RIMS2: variants seen among roughly 807,000 people sequenced by gnomAD.
RIMS2 encodes the protein regulating synaptic membrane exocytosis 2, also known as regulating synaptic membrane exocytosis protein 2.
In RIMS2, 59 loss-of-function variants were observed where a neutral mutation model predicts 174.4. That is an observed-to-expected ratio of 0.34 (90% CI 0.27 to 0.42). The LOEUF (loss-of-function observed/expected upper bound fraction) is 0.42. Among genes scored for constraint, RIMS2 ranks in the 10% least tolerant of loss-of-function variants. The pLI is 1.00. For synonymous variants in RIMS2, 606 were observed against 572.5 expected (o/e 1.06, Z -0.84); for missense variants, 1,620 against 1,666.3 (o/e 0.97, Z 0.48).
intron 3 of RIMS2, chr8:103,819,749 T>A (rs1209522037): frequency 3.1e-5 from 21 of 686,850 alleles, no homozygotes; most frequent in Non-Finnish European, 4.1e-5. Context: ...CTGTTTACTG[T>A]AAATATAAAA....
chr8:103,623,454 A>G (rs1464878276), intron 1 of RIMS2, among the ~76,000 whole-genome samples: 1 of 150,070 alleles, frequency 6.7e-6, no homozygotes, highest in African/African-American at 2.5e-5. Flanking sequence ...GTACAGACAT[A>G]AAAATTAAAC....
intron 19 of RIMS2, among the ~76,000 whole-genome samples, chr8:104,238,755 G>C (rs1043108621): frequency 6.6e-6 from 1 of 152,094 alleles, no homozygotes; most frequent in Non-Finnish European, 1.5e-5. Context: ...TAAAATCTGT[G>C]AGTCAATAAT....
chr8:104,163,370 C>T (rs1586254604), intron 19 of RIMS2, among the ~76,000 whole-genome samples: 2 of 152,218 alleles, frequency 1.3e-5, no homozygotes, highest in South Asian at 4.1e-4. Context: ...CTATTGTCCT[C>T]CTCATATGGT....
At chr8:104,021,067 G>T (rs778986232) in intron 19 of RIMS2, among the ~76,000 whole-genome samples, 1 of 151,656 alleles carries the variant, frequency 6.6e-6, no homozygotes, top group Non-Finnish European at 1.5e-5. Flanking sequence ...ATAAAATTTG[G>T]CCCATTACTG....
chr8:103,774,756 G>A (rs2098294405), intron 3 of RIMS2, among the ~76,000 whole-genome samples: 1 of 152,110 alleles, frequency 6.6e-6, no homozygotes, highest in Non-Finnish European at 1.5e-5. Flanking sequence ...TCATAACAAT[G>A]TTTTCCTTGA....
intron 1 of RIMS2, among the ~76,000 whole-genome samples, chr8:103,538,049 TAGAA>T (rs1840663164): frequency 6.6e-6 from 1 of 152,190 alleles, no homozygotes; most frequent in Non-Finnish European, 1.5e-5. Context: ...GGATAAACAT[TAGAA>T]AGAATTTCCT....
intron 1 of RIMS2, among the ~76,000 whole-genome samples, chr8:103,513,328 T>C (rs1311414522): frequency 2.0e-5 from 3 of 152,216 alleles, no homozygotes; most frequent in African/African-American, 7.2e-5. Flanking sequence ...CTGTGCTATC[T>C]TGAAGAAGTT....
chr8:103,579,233 TCTCTCTCC>T (rs1225918539), intron 1 of RIMS2, among the ~76,000 whole-genome samples: 1 of 149,518 alleles, frequency 6.7e-6, no homozygotes, highest in Non-Finnish European at 1.5e-5. Flanking sequence ...ACTCTCTCTC[TCTCTCTCC>T]CTCTCTCTCT....
At chr8:103,785,609 A>T (rs2098436277) in intron 3 of RIMS2, among the ~76,000 whole-genome samples, 1 of 152,162 alleles carries the variant, frequency 6.6e-6, no homozygotes, top group African/African-American at 2.4e-5. Flanking sequence ...CTTGCATCCC[A>T]GGGATGAAGC....
intron 19 of RIMS2, among the ~76,000 whole-genome samples, chr8:104,061,367 T>C (rs1052090384): frequency 6.6e-6 from 1 of 152,152 alleles, no homozygotes; most frequent in Non-Finnish European, 1.5e-5. Flanking sequence ...GTTTAAAGTC[T>C]GTTTTATAGG....
chr8:103,636,786 G>GCCC (rs1353500438), intron 1 of RIMS2, among the ~76,000 whole-genome samples: 1 of 27,158 alleles, frequency 3.7e-5, no homozygotes, highest in African/African-American at 1.6e-4. Context: ...ACCCACCCCC[G>GCCC]CACCCCCCCC....
chr8:103,558,350 G>A (rs947218677), intron 1 of RIMS2, among the ~76,000 whole-genome samples: 2 of 151,964 alleles, frequency 1.3e-5, no homozygotes, highest in Non-Finnish European at 2.9e-5. Context: ...TCAGCCTCCC[G>A]GTAGCTGGGA....
chr8:103,611,664 T>C (rs1461335051), intron 1 of RIMS2, among the ~76,000 whole-genome samples: 1 of 150,478 alleles, frequency 6.6e-6, no homozygotes, highest in African/African-American at 2.4e-5. Flanking sequence ...ACATTGTATG[T>C]TATTTGTTAC....
chr8:103,751,779 C>T (rs1031442242), intron 2 of RIMS2, among the ~76,000 whole-genome samples: 1 of 150,900 alleles, frequency 6.6e-6, no homozygotes, highest in Non-Finnish European at 1.5e-5. Flanking sequence ...CCTTCGCCCA[C>T]TTTTTGATGG....
rs184031936 is a variant in RIMS2 at position 103,793,365 on chromosome 8, C to T, written c.698+26828C>T. On this transcript the variant is annotated intron_variant, in intron 3 of 23. Coordinates refer to ENST00000504942, the Ensembl canonical transcript of RIMS2. ...TCTCAATAGATGCAGAAAAGGCCTT[C>T]GAGAAAATTCAACAGCCCTTCATGC... Among the ~76,000 whole-genome samples, 56 of 152,006 alleles carry T rather than the reference C, an allele frequency of 3.7e-4. No homozygotes were observed. The East Asian group carries it at 6.2e-3, about 17-fold the overall frequency.
At position 103,766,452 on chromosome 8, in the gene RIMS2, C is replaced by T; in HGVS notation, c.613C>T (p.Arg205Ter). The T allele has an allele frequency of 6.2e-7, 1 of 1,613,706 alleles. No individual in the cohort carries two copies. The highest frequency in any genetic ancestry group is 8.5e-7 in the Non-Finnish European group (1 of 1,179,666). ...ATCTGTACCTGCAGTGGAGAAAAGT[C>T]GATCTCATGGGCTCACAAGACAGCA... is the stretch of plus-strand genomic sequence containing the variant. The change falls in exon 3 of 24, where the codon CGA becomes TGA. Residue 205 changes from arginine to a stop codon, truncating the protein, a stop_gained. Coordinates refer to ENST00000504942, the Ensembl canonical transcript of RIMS2. LOFTEE classifies it high-confidence loss of function.
chr8:103,630,764 T>C (rs1474771352), intron 1 of RIMS2, among the ~76,000 whole-genome samples: 1 of 151,974 alleles, frequency 6.6e-6, no homozygotes, highest in African/African-American at 2.4e-5. Flanking sequence ...TATTAAAATA[T>C]GCTGCAGTAA....
chr8:104,197,237 G>A (rs139192460), intron 19 of RIMS2, among the ~76,000 whole-genome samples: 1,688 of 149,896 alleles, frequency 0.011, 27 homozygotes, highest in African/African-American at 0.039. Flanking sequence ...GTACAATGGC[G>A]TGAACTTGGC....
At chr8:103,604,213 A>G (rs951614802) in intron 1 of RIMS2, among the ~76,000 whole-genome samples, 1 of 151,256 alleles carries the variant, frequency 6.6e-6, no homozygotes, top group South Asian at 2.1e-4. Flanking sequence ...AGCTTTCTAC[A>G]TATGGCTAGC....
Sources: allele counts gnomAD v4.1 joint callset (sites outside exome capture counted in the v4.1 genomes callset), GRCh38; gene constraint gnomAD v4.1.1; transcripts MANE v1.5; gene names NCBI Gene and HGNC (gene_info 2026-07-23, HGNC 2026-07-21).